PSRC1: variants seen among roughly 807,000 people sequenced by gnomAD.
The protein encoded by PSRC1 is proline/serine-rich coiled-coil protein 1.
In PSRC1, 30 loss-of-function variants were observed where a neutral mutation model predicts 31.9. That is an observed-to-expected ratio of 0.94 (90% confidence interval 0.70 to 1.28). PSRC1 has a LOEUF of 1.28. PSRC1 is among the 50% of genes most tolerant of loss of function. PSRC1 has a pLI of 0.00. For synonymous variants in PSRC1, 191 were observed against 192.1 expected (o/e 0.99, Z 0.05); for missense variants, 481 against 472.8 (o/e 1.02, Z -0.16).
Position 109,281,064 on chromosome 1 carries a change from AG to A in PSRC1, c.706del (p.Leu236SerfsTer103). On this transcript the variant is annotated frameshift_variant, in exon 5 of 7. Coordinates refer to ENST00000409138, the Ensembl canonical transcript of PSRC1. LOFTEE classifies it high-confidence loss of function. ...GGGTGGGCCTGGTGGAGAGGGGTGG[AG>A]AAATTTCAGGGTCAATCCCACAAAC... 1 of 1,613,306 alleles carries A rather than the reference AG, an allele frequency of 6.2e-7. No individual in the cohort carries two copies. The highest frequency in any genetic ancestry group is 8.5e-7 in the Non-Finnish European group (1 of 1,179,870).
In PSRC1 at chr1:109,281,176, C is replaced by G. The variant is rs199962633; in HGVS notation, c.595G>C (p.Val199Leu). The G allele has an allele frequency of 1.1e-4, 185 of 1,613,418 alleles. 1 individual carries two copies. Among genetic ancestry groups the G allele is most frequent in the South Asian group, 2.5e-4 (23 of 90,970 alleles). Residue 199 changes from valine (V) to leucine (L), a missense_variant, in exon 5 of 7, where the codon GTC becomes CTC. Physicochemically the swap from Val to Leu is conservative, Grantham distance 32 (BLOSUM62 1). Transcript: ENST00000409138. ...CCACTGGGCCCGGCTCTCCCCCGGACTGGGGGAGTCGATCGGGTAAGAGGA... is the reference window on the plus strand; with the variant it reads ...CCACTGGGCCCGGCTCTCCCCCGGAGTGGGGGAGTCGATCGGGTAAGAGGA...
At chr1:109,279,765 C>A in exon 7 of PSRC1, 1 of 234,478 alleles carries the variant, frequency 4.3e-6, no homozygotes, top group South Asian at 9.6e-5. Context: ...GGGAGGTTAG[C>A]TACGGAGGCC....
chr1:109,282,010 C>T (rs780285697), exon 4 of PSRC1: 37 of 1,509,426 alleles, frequency 2.5e-5, no homozygotes, highest in Non-Finnish European at 3.1e-5. Flanking sequence ...GAGGCCCCGT[C>T]GAAGTGGTTT....
chr1:109,281,520 A>C, intron 4 of PSRC1, 99 bp downstream of exon 4: 1 of 1,081,138 alleles, frequency 9.2e-7, no homozygotes, highest in Non-Finnish European at 1.4e-6. Flanking sequence ...TTCTAGATGT[A>C]GAAATGCTAT....
At chr1:109,279,781 C>T (rs542450253) in exon 7 of PSRC1, 21 of 261,570 alleles carry the variant, frequency 8.0e-5, no homozygotes, top group Admixed American at 1.9e-4. Flanking sequence ...AGGCCGCTCA[C>T]GTGGAAATGT....
At chr1:109,280,287 C>T in intron 6 of PSRC1, 109 bp downstream of exon 7, 1 of 1,406,154 alleles carries the variant, frequency 7.1e-7, no homozygotes, top group Non-Finnish European at 1.0e-6. Flanking sequence ...GGCTCCCCTC[C>T]TCTCTCCATC....
rs1225336624 is a variant in PSRC1 at position 109,281,270 on chromosome 1, G to C, written c.520-19C>G. On this transcript the variant is annotated intron_variant, in intron 4 of 6. Coordinates refer to ENST00000409138, the Ensembl canonical transcript of PSRC1. ...GTGACTCCTGAAACACAAAGAGAGA[G>C]AGAAAAAAGACTAGAGTGGAAAAAA... 1 of 1,538,536 alleles carries C rather than the reference G, an allele frequency of 6.5e-7. No individual in the cohort carries two copies. The highest frequency in any genetic ancestry group is 2.1e-5 in the Admixed American group (1 of 47,956).
At chr1:109,281,591 C>T in intron 4 of PSRC1, 28 bp downstream of exon 4, 1 of 1,575,568 alleles carries the variant, frequency 6.3e-7, no homozygotes, top group Non-Finnish European at 8.7e-7. Flanking sequence ...GTCTGGGGCA[C>T]ACCTCCAACT....
chr1:109,282,402 C>T, intron 3 of PSRC1, 116 bp downstream of exon 3: 1 of 928,844 alleles, frequency 1.1e-6, no homozygotes, highest in Non-Finnish European at 1.7e-6. Flanking sequence ...CGCCCAGCAG[C>T]CCCAAGTGCG....
intron 6 of PSRC1, 45 bp downstream of exon 7, chr1:109,280,346 GATGAT>G: frequency 6.6e-7 from 1 of 1,511,502 alleles, no homozygotes; most frequent in South Asian, 1.2e-5. Flanking sequence ...TGGAATCCCA[GATGAT>G]GGCGGGGTAG....
chr1:109,281,666 T>C (rs1412622839), exon 4 of PSRC1: 3 of 1,614,066 alleles, frequency 1.9e-6, no homozygotes, highest in Non-Finnish European at 2.5e-6. Flanking sequence ...CGGAGAGCCC[T>C]GACTGACCCC....
chr1:109,281,115 T>C, exon 5 of PSRC1: 1 of 1,613,434 alleles, frequency 6.2e-7, no homozygotes, highest in South Asian at 1.1e-5. Flanking sequence ...CACCCGCAAC[T>C]TGGCTGCTCT....
At chr1:109,280,030 G>C in exon 7 of PSRC1, 1 of 1,272,122 alleles carries the variant, frequency 7.9e-7, no homozygotes, top group Non-Finnish European at 1.2e-6. Flanking sequence ...CAGCCCTGGT[G>C]GCATCTCTTC....
At chr1:109,281,517 T>G in intron 4 of PSRC1, 102 bp downstream of exon 4, 1 of 1,051,036 alleles carries the variant, frequency 9.5e-7, no homozygotes, top group Non-Finnish European at 1.4e-6. Flanking sequence ...CAATTCTAGA[T>G]GTAGAAATGC....
chr1:109,281,398 TC>T, intron 4 of PSRC1, 147 bp from the exon 5 acceptor site: 1 of 754,938 alleles, frequency 1.3e-6, no homozygotes, highest in South Asian at 1.9e-5. Context: ...CACATCACCA[TC>T]ACCATCACTA....
intron 5 of PSRC1, 102 bp downstream of exon 6, chr1:109,280,675 A>G: frequency 1.9e-6 from 2 of 1,066,640 alleles, no homozygotes; most frequent in Non-Finnish European, 2.7e-6. Flanking sequence ...CCATCTTCCA[A>G]TTGAATTGCA....
At position 109,280,469 on chromosome 1, in the gene PSRC1, T is replaced by C. The variant is rs747889314; in HGVS notation, c.1015A>G (p.Asn339Asp). The C allele has an allele frequency of 1.5e-5, 25 of 1,613,044 alleles. No individual in the cohort carries two copies. Among genetic ancestry groups the C allele is most frequent in the Non-Finnish European group, 1.6e-5 (19 of 1,179,564 alleles). ...CGAGTGGCACCCATGACAGGAAGAT[T>C]TAGTCGCTGGGAAACAGGAACTTCA... is the stretch of plus-strand genomic sequence containing the variant. Residue 339 changes from asparagine to aspartate, a missense_variant, in exon 6 of 7, where the codon AAT becomes GAT. Physicochemically the swap from Asn to Asp is conservative, Grantham distance 23 (BLOSUM62 1). Transcript: ENST00000409138.
chr1:109,282,924 C>A, intron 1 of PSRC1, 139 bp downstream of exon 1: 1 of 614,876 alleles, frequency 1.6e-6, no homozygotes, highest in East Asian at 2.8e-5. Context: ...GCCCAGATTG[C>A]CCTGGAGCCG....
Position 109,282,715 on chromosome 1 carries a change from C to A in PSRC1, c.-17G>T, listed in dbSNP as rs371817760. ...ATCCTCCATGTCCAGCCAGCAGGAG[C>A]GAGAGTCCAGTTAGATCTGAGCTGG... On this transcript the variant is annotated 5_prime_UTR_variant, in exon 2 of 7. Transcript: ENST00000409138. 3.2e-6 allele frequency: 5 copies of A among 1,551,190 alleles called. No homozygotes were observed. In the African/African-American group the frequency reaches 6.8e-5, roughly 21 times the overall value.
Sources: gnomAD v4.1 joint callset for allele counts on GRCh38, gnomAD v4.1.1 for gene constraint, MANE v1.5 for transcripts, NCBI Gene and HGNC (gene_info 2026-07-23, HGNC 2026-07-21) for gene names.